Variants in NUDCD1 observed in about 807,000 individuals in gnomAD.
NUDCD1 encodes the protein NudC domain containing 1.
In NUDCD1, 60 loss-of-function variants were observed where a neutral mutation model predicts 67.8. That is an observed-to-expected ratio of 0.88 (90% CI 0.72 to 1.10). The LOEUF (loss-of-function observed/expected upper bound fraction) is 1.10. Among genes scored for constraint, NUDCD1 ranks in the 50% least tolerant of loss-of-function variants. The pLI, the probability that NUDCD1 is intolerant of heterozygous loss-of-function variation, is 0.00. For synonymous variants in NUDCD1, 244 were observed against 230.8 expected, an observed-to-expected ratio of 1.06 and a Z score of -0.52; for missense variants, 643 against 695.0, an observed-to-expected ratio of 0.93 and a Z score of 0.84.
chr8:109,319,532 T>C (rs1815482359), intron 2 of NUDCD1, among the ~76,000 whole-genome samples: 1 of 152,164 alleles, frequency 6.6e-6, no homozygotes, highest in Admixed American at 6.5e-5. Context: ...CAAGGCAAGC[T>C]TGCTAGATGA....
chr8:109,318,958 G>GTTT (rs34597876), intron 2 of NUDCD1, among the ~76,000 whole-genome samples: 3 of 131,466 alleles, frequency 2.3e-5, no homozygotes, highest in Admixed American at 7.9e-5. Flanking sequence ...CCCATTTTAT[G>GTTT]TTTTTTTTTT....
intron 8 of NUDCD1, among the ~76,000 whole-genome samples, chr8:109,270,090 A>AGGGGGGGGGGGGGGG (rs1563665962): frequency 3.9e-4 from 3 of 7,608 alleles, no homozygotes; most frequent in South Asian, 4.0e-3. Flanking sequence ...GGGTGCCTTA[A>AGGGGGGGGGGGGGGG]GGTGGGGTGT....
At chr8:109,293,736 TA>T (rs1242263048) in intron 3 of NUDCD1, among the ~76,000 whole-genome samples, 1 of 152,064 alleles carries the variant, frequency 6.6e-6, no homozygotes, top group Non-Finnish European at 1.5e-5. Flanking sequence ...TTTATTTGTA[TA>T]AGAAAAAAAC....
At chr8:109,316,475 A>T (rs573987133) in intron 2 of NUDCD1, 11 of 152,228 alleles carry the variant, frequency 7.2e-5, no homozygotes, top group African/African-American at 2.7e-4. Context: ...GTCACAGAAA[A>T]GGAGCCTGTC....
At chr8:109,294,117 T>G (rs112750229) in intron 3 of NUDCD1, among the ~76,000 whole-genome samples, 3,153 of 152,182 alleles carry the variant, frequency 0.021, 109 homozygotes, top group African/African-American at 0.072. Context: ...CTATTACATT[T>G]TTAAGACTAA....
intron 2 of NUDCD1, among the ~76,000 whole-genome samples, chr8:109,321,086 T>C (rs1356595059): frequency 1.3e-5 from 2 of 152,334 alleles, no homozygotes; most frequent in Non-Finnish European, 2.9e-5. Context: ...ATTAAAAACA[T>C]GGATTTTGCC....
intron 8 of NUDCD1, among the ~76,000 whole-genome samples, chr8:109,247,326 C>G (rs1244090202): frequency 6.6e-6 from 1 of 152,042 alleles, no homozygotes; most frequent in African/African-American, 2.4e-5. Context: ...TTTCATGAGC[C>G]AAGTGCCTAA....
intron 8 of NUDCD1, among the ~76,000 whole-genome samples, chr8:109,255,584 C>T (rs1347720510): frequency 6.7e-6 from 1 of 148,986 alleles, no homozygotes; most frequent in Non-Finnish European, 1.5e-5. Flanking sequence ...TGTATCATAA[C>T]ATTTTACTGA....
At chr8:109,276,765 C>T (rs1484566823) in intron 6 of NUDCD1, among the ~76,000 whole-genome samples, 2 of 152,118 alleles carry the variant, frequency 1.3e-5, no homozygotes, top group Admixed American at 6.5e-5. Context: ...AAGTGACTCT[C>T]GTGCCTCAGC....
chr8:109,246,176 G>T (rs1275773805), intron 8 of NUDCD1, among the ~76,000 whole-genome samples: 1 of 152,148 alleles, frequency 6.6e-6, no homozygotes, highest in Non-Finnish European at 1.5e-5. Flanking sequence ...CTGATATAAA[G>T]CACCAATTTT....
intron 1 of NUDCD1, 22 bp downstream of exon 1, chr8:109,333,871 G>C (rs762598767): frequency 6.8e-6 from 11 of 1,613,376 alleles, no homozygotes; most frequent in Non-Finnish European, 9.3e-6. Flanking sequence ...AACGGAGTAC[G>C]AAGGGCGCCG....
chr8:109,280,916 A>T, intron 6 of NUDCD1, 52 bp downstream of exon 6: 1 of 897,694 alleles, frequency 1.1e-6, no homozygotes, highest in Non-Finnish European at 1.6e-6. Flanking sequence ...AAAGAGTAAA[A>T]AGAAAAGAAA....
chr8:109,257,167 AAG>A (rs907084345), intron 8 of NUDCD1, among the ~76,000 whole-genome samples: 12 of 152,252 alleles, frequency 7.9e-5, no homozygotes, highest in African/African-American at 2.9e-4. Context: ...AGGTAAGAAA[AAG>A]AAATAAAACG....
chr8:109,271,185 G>C (rs1814147709), intron 7 of NUDCD1, 55 bp from the exon 8 acceptor site: 1 of 1,236,280 alleles, frequency 8.1e-7, no homozygotes, highest in African/African-American at 1.5e-5. Context: ...CAAGGGAATG[G>C]GTTTCTTCAT....
chr8:109,295,248 T>C (rs1329634600), intron 3 of NUDCD1, among the ~76,000 whole-genome samples: 1 of 152,088 alleles, frequency 6.6e-6, no homozygotes, highest in Non-Finnish European at 1.5e-5. Flanking sequence ...ATCTACAGAA[T>C]CCATACAGCT....
At chr8:109,320,492 T>C (rs888940284) in intron 2 of NUDCD1, among the ~76,000 whole-genome samples, 1 of 152,226 alleles carries the variant, frequency 6.6e-6, no homozygotes, top group Non-Finnish European at 1.5e-5. Context: ...CCCTGAACAA[T>C]TGCTGTTATC....
At chr8:109,310,326 G>C (rs1056472902) in intron 2 of NUDCD1, among the ~76,000 whole-genome samples, 3 of 152,110 alleles carry the variant, frequency 2.0e-5, no homozygotes, top group African/African-American at 7.2e-5. Context: ...AATACTTACA[G>C]CCAACTAATC....
chr8:109,275,580 TCTTCTATAGAAAGAACC>T, intron 6 of NUDCD1, 84 bp from the exon 7 acceptor site: 1 of 1,307,500 alleles, frequency 7.6e-7, no homozygotes, highest in Non-Finnish European at 1.1e-6. Flanking sequence ...TTTGTTTCTA[TCTTCTATAGAAAGAACC>T]CTCCGGTGTC....
chr8:109,259,186 G>C (rs952088917), intron 8 of NUDCD1, among the ~76,000 whole-genome samples: 17 of 152,270 alleles, frequency 1.1e-4, no homozygotes, highest in African/African-American at 4.1e-4. Flanking sequence ...CAAAGCAAAA[G>C]GCAGATTTGT....
Sources: allele counts gnomAD v4.1 joint callset (sites outside exome capture counted in the v4.1 genomes callset), GRCh38; gene constraint gnomAD v4.1.1; transcripts MANE v1.5; gene names NCBI Gene and HGNC (gene_info 2026-07-23, HGNC 2026-07-21).